Variants in PHACTR1 observed in about 807,000 individuals in gnomAD.
The protein encoded by PHACTR1 is RPEL repeat containing 1.
PHACTR1 carries 16 observed loss-of-function variants against 69.2 expected under a neutral mutation model. The observed-to-expected ratio is 0.23, with a 90% CI of 0.16 to 0.35. The LOEUF is 0.35. Among genes scored for constraint, PHACTR1 ranks in the 10% least tolerant of loss-of-function variants. PHACTR1 has a pLI of 1.00. For synonymous variants in PHACTR1, 312 were observed against 284.5 expected, an observed-to-expected ratio of 1.10 and a Z score of -0.97; for missense variants, 510 against 734.7, an observed-to-expected ratio of 0.69 and a Z score of 3.54.
At chr6:13,162,876 G>A (rs1583658998) in intron 6 of PHACTR1, among the ~76,000 whole-genome samples, 1 of 152,138 alleles carries the variant, frequency 6.6e-6, no homozygotes, top group African/African-American at 2.4e-5. Flanking sequence ...TTCCCTGAGA[G>A]CAGGCGCTGT....
chr6:12,975,073 C>T (rs975294444), intron 4 of PHACTR1, among the ~76,000 whole-genome samples: 2 of 152,146 alleles, frequency 1.3e-5, no homozygotes, highest in African/African-American at 4.8e-5. Context: ...GTAAGTGCTA[C>T]TGGGTTATGG....
intron 4 of PHACTR1, among the ~76,000 whole-genome samples, chr6:12,925,386 A>G (rs1788159940): frequency 1.3e-5 from 2 of 152,122 alleles, no homozygotes; most frequent in Non-Finnish European, 2.9e-5. Context: ...CATCTCGTTA[A>G]ACCTAAGAAC....
At chr6:13,084,299 C>T (rs1417413736) in intron 5 of PHACTR1, among the ~76,000 whole-genome samples, 2 of 146,162 alleles carry the variant, frequency 1.4e-5, no homozygotes, top group African/African-American at 5.1e-5. Context: ...CGCATGTTCT[C>T]ACTCATAGGT....
At chr6:12,980,819 C>T (rs1207956372) in intron 4 of PHACTR1, among the ~76,000 whole-genome samples, 1 of 152,164 alleles carries the variant, frequency 6.6e-6, no homozygotes, top group African/African-American at 2.4e-5. Context: ...TGAAGTCTCT[C>T]CTTAGTCATA....
In PHACTR1 at chr6:13,057,708, A is replaced by G. The variant is rs531254931; in HGVS notation, c.415+4179A>G. 7.9e-4 allele frequency among the ~76,000 whole-genome samples: 121 copies of G among 152,354 alleles called. 2 individuals are homozygous for G. In the South Asian group the frequency reaches 0.018, roughly 22 times the overall value. Reference sequence around the variant, plus strand: ...CAGAAATTTTATTTACCAGTTGTATAGCAATAAGAAAACTATATTGGAAAA... The same window carrying G: ...CAGAAATTTTATTTACCAGTTGTATGGCAATAAGAAAACTATATTGGAAAA... On this transcript the variant is annotated intron_variant, in intron 5 of 14. Transcript: ENST00000332995.
intron 10 of PHACTR1, among the ~76,000 whole-genome samples, chr6:13,250,993 T>C (rs966992511): frequency 6.8e-6 from 1 of 147,516 alleles, no homozygotes; most frequent in African/African-American, 2.5e-5. Context: ...AGAAAACATA[T>C]CCATTTTACA....
chr6:13,110,678 T>A (rs1032553583), intron 5 of PHACTR1, among the ~76,000 whole-genome samples: 2 of 152,236 alleles, frequency 1.3e-5, no homozygotes, highest in African/African-American at 4.8e-5. Flanking sequence ...TACCACAGAC[T>A]GGAAAGTGTC....
rs192155887 is a variant in PHACTR1, at chr6:13,153,997, T to G, written c.416-6207T>G. Among the ~76,000 whole-genome samples the G allele has an allele frequency of 2.0e-4, 31 of 152,292 alleles. No homozygotes were observed. In the East Asian group the frequency reaches 5.8e-3, roughly 28 times the overall value. On this transcript the variant is annotated intron_variant, in intron 5 of 14. Coordinates refer to ENST00000332995, the MANE Select transcript of PHACTR1 (RefSeq NM_030948.6). ...TTTAACAACTTTATTGAGGTATAATTTACATACCATAAAATGAACCCATTG... is the reference window on the plus strand; with the variant it reads ...TTTAACAACTTTATTGAGGTATAATGTACATACCATAAAATGAACCCATTG...
chr6:12,749,354 G>T, intron 3 of PHACTR1: 1 of 491,512 alleles, frequency 2.0e-6, no homozygotes, highest in Non-Finnish European at 4.0e-6. Context: ...GGCTGGGAGA[G>T]GAGTCTGGGG....
chr6:12,993,879 G>A (rs1050977404), intron 4 of PHACTR1, among the ~76,000 whole-genome samples: 3 of 152,114 alleles, frequency 2.0e-5, no homozygotes, highest in Non-Finnish European at 2.9e-5. Flanking sequence ...GAGTGGAAAA[G>A]CATCCTGTTA....
chr6:12,844,399 G>A lies in PHACTR1; in HGVS notation c.250+94609G>A, dbSNP rs114312350. Among the ~76,000 whole-genome samples the A allele has an allele frequency of 6.8e-3, 1,029 of 151,498 alleles. 17 individuals are homozygous for A. Among genetic ancestry groups the A allele is most frequent in the African/African-American group, 0.024 (979 of 41,300 alleles). ...GTGACAGAGCAAGACCCTATCCCCC[G>A]CCCCCAAAAAAACACAAATAAATAA... is the stretch of plus-strand genomic sequence containing the variant. On this transcript the variant is annotated intron_variant, in intron 4 of 14. Transcript: ENST00000332995.
intron 4 of PHACTR1, among the ~76,000 whole-genome samples, chr6:12,820,301 C>T (rs1337828013): frequency 1.3e-5 from 2 of 152,144 alleles, no homozygotes; most frequent in East Asian, 1.9e-4. Context: ...CTGCCTCAGC[C>T]TCCCAAGGAG....
chr6:12,988,498 T>G (rs1796448027), intron 4 of PHACTR1, among the ~76,000 whole-genome samples: 1 of 152,206 alleles, frequency 6.6e-6, no homozygotes, highest in African/African-American at 2.4e-5. Context: ...AGGTGATGCA[T>G]TATGAATGAA....
intron 4 of PHACTR1, among the ~76,000 whole-genome samples, chr6:12,929,323 G>A (rs913642618): frequency 2.6e-5 from 4 of 151,978 alleles, no homozygotes; most frequent in Non-Finnish European, 5.9e-5. Context: ...CCCTTGCTTC[G>A]AGAGCGTTTA....
At chr6:12,809,201 C>T (rs561988789) in intron 4 of PHACTR1, among the ~76,000 whole-genome samples, 5 of 152,234 alleles carry the variant, frequency 3.3e-5, no homozygotes, top group Admixed American at 2.0e-4. Flanking sequence ...TACTGTCTTA[C>T]TTTTAAGCTA....
At chr6:12,776,712 C>T (rs529778983) in intron 4 of PHACTR1, among the ~76,000 whole-genome samples, 43 of 152,282 alleles carry the variant, frequency 2.8e-4, no homozygotes, top group African/African-American at 8.4e-4. Flanking sequence ...ATCATTTATA[C>T]GTCTCTTCCC....
intron 4 of PHACTR1, among the ~76,000 whole-genome samples, chr6:12,781,790 G>A (rs1312827669): frequency 1.3e-5 from 2 of 152,140 alleles, no homozygotes; most frequent in African/African-American, 4.8e-5. Flanking sequence ...AGGGAGGGTG[G>A]TAAATGTGTA....
At position 13,029,403 on chromosome 6, in the gene PHACTR1, GGAAGTGGGCT is replaced by G. The variant is rs554037078; in HGVS notation, c.251-23959_251-23950del. Among the ~76,000 whole-genome samples, 253 of 152,304 alleles carry G rather than the reference GGAAGTGGGCT, an allele frequency of 1.7e-3. 1 individual carries two copies. Among genetic ancestry groups the G allele is most frequent in the African/African-American group, 6.0e-3 (249 of 41,562 alleles). On this transcript the variant is annotated intron_variant, in intron 4 of 14. Coordinates refer to ENST00000332995, the MANE Select transcript of PHACTR1 (RefSeq NM_030948.6). ...GTGCAGAAGGGATGGGGAATTGATT[GGAAGTGGGCT>G]GAGATGATGTGGGGCTGAGCAAGCT... is the stretch of plus-strand genomic sequence containing the variant.
At chr6:13,148,655 A>G (rs1428595818) in intron 5 of PHACTR1, among the ~76,000 whole-genome samples, 1 of 152,204 alleles carries the variant, frequency 6.6e-6, no homozygotes, top group Non-Finnish European at 1.5e-5. Flanking sequence ...AGTCAAGAGG[A>G]AAACAAGTAG....
Sources: allele counts gnomAD v4.1 joint callset (sites outside exome capture counted in the v4.1 genomes callset), GRCh38; gene constraint gnomAD v4.1.1; transcripts MANE v1.5; gene names NCBI Gene and HGNC (gene_info 2026-07-23, HGNC 2026-07-21).